NRXN3: variants seen among roughly 807,000 people sequenced by gnomAD.
The protein encoded by NRXN3 is neurexin III.
In NRXN3, 32 loss-of-function variants were observed where a neutral mutation model predicts 137.6. The ratio of observed to expected loss-of-function variants is 0.23; its 90% CI spans 0.18 to 0.31. NRXN3 has a LOEUF of 0.31. NRXN3 is among the 10% of genes least tolerant of loss of function. The pLI is 1.00. For synonymous variants in NRXN3, 798 were observed against 784.5 expected (o/e 1.02, Z -0.29); for missense variants, 1,574 against 2,062.5 (o/e 0.76, Z 4.59).
At chr14:79,573,773 C>T (rs998809841) in intron 16 of NRXN3, among the ~76,000 whole-genome samples, 1 of 151,994 alleles carries the variant, frequency 6.6e-6, no homozygotes, top group African/African-American at 2.4e-5. Flanking sequence ...GATGTAGTTG[C>T]TTATCTAATT....
intron 4 of NRXN3, among the ~76,000 whole-genome samples, chr14:78,500,464 T>G (rs919961714): frequency 6.6e-6 from 1 of 152,106 alleles, no homozygotes; most frequent in Admixed American, 6.6e-5. Flanking sequence ...GAGCTCCTAT[T>G]TAAAGGAACA....
At chr14:78,642,372 A>C (rs2097644324) in intron 4 of NRXN3, among the ~76,000 whole-genome samples, 1 of 152,170 alleles carries the variant, frequency 6.6e-6, no homozygotes, top group Non-Finnish European at 1.5e-5. Flanking sequence ...CCTTGCTCTA[A>C]TTATATAAAA....
chr14:79,767,667 T>C (rs1036657995), intron 19 of NRXN3, among the ~76,000 whole-genome samples: 4 of 152,276 alleles, frequency 2.6e-5, no homozygotes, highest in Non-Finnish European at 2.9e-5. Flanking sequence ...CTCATAACAG[T>C]CCCTATTAAA....
intron 20 of NRXN3, among the ~76,000 whole-genome samples, chr14:79,822,664 CTAA>C (rs2099276217): frequency 6.6e-6 from 1 of 152,044 alleles, no homozygotes; most frequent in Non-Finnish European, 1.5e-5. Context: ...TTATTGTGAA[CTAA>C]TAATGATGAT....
At chr14:79,423,981 G>T (rs1208693570) in intron 15 of NRXN3, among the ~76,000 whole-genome samples, 1 of 152,140 alleles carries the variant, frequency 6.6e-6, no homozygotes, top group African/African-American at 2.4e-5. Context: ...TTTAATGATT[G>T]ATTTCACTAA....
intron 16 of NRXN3, among the ~76,000 whole-genome samples, chr14:79,657,654 A>T (rs1486759853): frequency 6.6e-6 from 1 of 152,240 alleles, no homozygotes; most frequent in African/African-American, 2.4e-5. Flanking sequence ...CTTAATAGCC[A>T]CAAAAAGAGC....
chr14:79,152,559 G>A (rs2059898764), intron 15 of NRXN3, among the ~76,000 whole-genome samples: 1 of 151,926 alleles, frequency 6.6e-6, no homozygotes, highest in African/African-American at 2.4e-5. Flanking sequence ...ATGTGGCTGG[G>A]GAGGCCTCTT....
chr14:78,692,393 C>G (rs538559380), intron 6 of NRXN3, among the ~76,000 whole-genome samples: 4 of 152,020 alleles, frequency 2.6e-5, no homozygotes, highest in Non-Finnish European at 4.4e-5. Flanking sequence ...ATTTATATTA[C>G]AAGAAAAATT....
intron 4 of NRXN3, among the ~76,000 whole-genome samples, chr14:78,370,331 T>C (rs2086629799): frequency 6.6e-6 from 1 of 150,568 alleles, no homozygotes; most frequent in Non-Finnish European, 1.5e-5. Flanking sequence ...TTTTTTTGAG[T>C]GCTGCATACT....
At chr14:79,132,017 A>T (rs955091949) in intron 15 of NRXN3, among the ~76,000 whole-genome samples, 1 of 152,220 alleles carries the variant, frequency 6.6e-6, no homozygotes, top group Non-Finnish European at 1.5e-5. Flanking sequence ...GAGTGAGGCA[A>T]TGCCTCGCCC....
At chr14:78,289,873 C>T (rs1246465732) in intron 3 of NRXN3, among the ~76,000 whole-genome samples, 1 of 152,182 alleles carries the variant, frequency 6.6e-6, no homozygotes, top group East Asian at 1.9e-4. Flanking sequence ...GAGATTGTGC[C>T]ACTGCACTCC....
chr14:78,212,976 G>C (rs2062889585), intron 1 of NRXN3, among the ~76,000 whole-genome samples: 1 of 152,190 alleles, frequency 6.6e-6, no homozygotes, highest in Non-Finnish European at 1.5e-5. Flanking sequence ...CCTCCCTTTT[G>C]TTAGACCCAC....
rs140007693 is a variant in NRXN3 at position 78,882,314 on chromosome 14, C to T, written c.2275+71970C>T. ...ACTGTGAGAAGAGGGCCACTGTCCT[C>T]CAGAACCCAGAATGGTAGATCCACT... On this transcript the variant is annotated intron_variant, in intron 10 of 20. Transcript: ENST00000335750. Among the ~76,000 whole-genome samples, 553 of 151,782 alleles carry T rather than the reference C, an allele frequency of 3.6e-3. 21 individuals are homozygous for T. Among genetic ancestry groups the T allele is most frequent in the African/African-American group, 0.013 (527 of 41,084 alleles).
intron 6 of NRXN3, among the ~76,000 whole-genome samples, chr14:78,664,452 A>T (rs1285888267): frequency 6.6e-6 from 1 of 152,154 alleles, no homozygotes; most frequent in African/African-American, 2.4e-5. Context: ...CACTTCTTTG[A>T]TACTGTCTCC....
chr14:79,273,172 C>CAAAAAAAGAAAAAAAAAAAAAAAAAAA (rs1555347815), intron 15 of NRXN3, among the ~76,000 whole-genome samples: 1 of 20,752 alleles, frequency 4.8e-5, no homozygotes, highest in African/African-American at 2.8e-4. Context: ...ACTCTGTGGC[C>CAAAAAAAGAAAAAAAAAAAAAAAAAAA]AAAAAAAAAA....
At chr14:79,215,104 AC>A (rs1240959882) in intron 15 of NRXN3, among the ~76,000 whole-genome samples, 1 of 152,270 alleles carries the variant, frequency 6.6e-6, no homozygotes, top group African/African-American at 2.4e-5. Flanking sequence ...CACTGGTGCT[AC>A]CGGATATTAA....
chr14:78,721,796 G>A (rs11159378), intron 8 of NRXN3, among the ~76,000 whole-genome samples: 22,361 of 151,870 alleles, frequency 0.15, 2,323 homozygotes, highest in African/African-American at 0.3. Context: ...TGAGAAAGGG[G>A]CTTCCCAAGA....
At chr14:79,028,680 T>G (rs2099602433) in intron 15 of NRXN3, among the ~76,000 whole-genome samples, 1 of 152,132 alleles carries the variant, frequency 6.6e-6, no homozygotes, top group Non-Finnish European at 1.5e-5. Context: ...ATTTCCAGGT[T>G]TCTACAGTGG....
intron 10 of NRXN3, among the ~76,000 whole-genome samples, chr14:78,904,821 G>A (rs2099210011): frequency 6.7e-6 from 1 of 149,928 alleles, no homozygotes; most frequent in African/African-American, 2.5e-5. Flanking sequence ...TCTCCAATCA[G>A]TTACTGAATA....
Sources: gnomAD v4.1 joint callset for allele counts (sites outside exome capture counted in the v4.1 genomes callset) on GRCh38, gnomAD v4.1.1 for gene constraint, MANE v1.5 for transcripts, NCBI Gene and HGNC (gene_info 2026-07-23, HGNC 2026-07-21) for gene names.